TAMM41: variants seen among roughly 807,000 people sequenced by gnomAD.
TAMM41 encodes the protein TAM41 mitochondrial translocator assembly and maintenance homolog, also known as phosphatidate cytidylyltransferase, mitochondrial.
TAMM41 carries 36 observed loss-of-function variants against 44.1 expected under a neutral mutation model. The ratio of observed to expected loss-of-function variants is 0.82; its 90% CI spans 0.63 to 1.08. The LOEUF (loss-of-function observed/expected upper bound fraction) is 1.08, where lower values mean the gene tolerates loss of function less well. Ranked by LOEUF, TAMM41 falls within the 50% of genes least tolerant of loss-of-function variation. The pLI, the probability that TAMM41 is intolerant of heterozygous loss-of-function variation, is 0.00. For synonymous variants in TAMM41, 164 were observed against 153.1 expected, an observed-to-expected ratio of 1.07 and a Z score of -0.53; for missense variants, 417 against 404.3, an observed-to-expected ratio of 1.03 and a Z score of -0.27.
chr3:11,760,542 TTTTTG>T, the TAMM41 span, among the ~76,000 whole-genome samples: 5,550 of 150,852 alleles, frequency 0.037, 116 homozygotes, highest in Non-Finnish European at 0.054. Flanking sequence ...TAAGTACAAT[TTTTTG>T]TTTTGTTTTG....
chr3:11,845,779 G>A (rs1312740769), intron 1 of TAMM41, among the ~76,000 whole-genome samples: 1 of 152,104 alleles, frequency 6.6e-6, no homozygotes, highest in Non-Finnish European at 1.5e-5. Flanking sequence ...ATTAAAACCT[G>A]CACACTGAAT....
At chr3:11,770,522 C>T in the TAMM41 span, among the ~76,000 whole-genome samples, 1 of 152,218 alleles carries the variant, frequency 6.6e-6, no homozygotes, top group Non-Finnish European at 1.5e-5. Context: ...TTAAAATGCT[C>T]TGCTTGCTGA....
At chr3:11,753,877 G>A in the TAMM41 span, among the ~76,000 whole-genome samples, 4 of 152,136 alleles carry the variant, frequency 2.6e-5, no homozygotes, top group Admixed American at 1.3e-4. Context: ...GGCAAGGGGC[G>A]AGGAGGCCGA....
chr3:11,799,466 C>T (rs766308071), intron 7 of TAMM41, among the ~76,000 whole-genome samples: 22 of 152,142 alleles, frequency 1.4e-4, no homozygotes, highest in Admixed American at 3.9e-4. Flanking sequence ...AGCCCTTGGC[C>T]ATAATAAACA....
rs550548400 is a variant in TAMM41 at position 11,836,289 on chromosome 3, C to A, written c.411+2933G>T. On this transcript the variant is annotated intron_variant, in intron 3 of 7. Coordinates refer to ENST00000455809, the MANE Select transcript of TAMM41 (RefSeq NM_001284401.2). The stretch of plus-strand genomic sequence containing the variant: ...TACAGGCATGAGTCACTGCACCCAG[C>A]CCTGCTTCCAATTTTCAATACCTTT... Among the ~76,000 whole-genome samples the A allele has an allele frequency of 3.9e-5, 6 of 152,166 alleles. No homozygotes were observed. The East Asian group carries it at 7.8e-4, about 20-fold the overall frequency.
At chr3:11,751,498 T>C in the TAMM41 span, among the ~76,000 whole-genome samples, 1 of 152,342 alleles carries the variant, frequency 6.6e-6, no homozygotes, top group African/African-American at 2.4e-5. Context: ...AACCCTGTTG[T>C]GTCCAGTCAG....
the TAMM41 span, among the ~76,000 whole-genome samples, chr3:11,727,136 T>C: frequency 1.3e-5 from 2 of 152,242 alleles, no homozygotes; most frequent in African/African-American, 4.8e-5. Context: ...AATTCTATTG[T>C]AAGGTAGGAA....
At chr3:11,760,820 C>G in the TAMM41 span, among the ~76,000 whole-genome samples, 1 of 151,908 alleles carries the variant, frequency 6.6e-6, no homozygotes, top group African/African-American at 2.4e-5. Context: ...TTTGGCCTCC[C>G]AAAGTGCTGG....
At chr3:11,736,774 T>C in the TAMM41 span, among the ~76,000 whole-genome samples, 2 of 152,222 alleles carry the variant, frequency 1.3e-5, no homozygotes, top group East Asian at 3.9e-4. Context: ...AGAGTGAATA[T>C]TGGTGTGAGT....
At chr3:11,733,789 C>A in the TAMM41 span, among the ~76,000 whole-genome samples, 2 of 151,906 alleles carry the variant, frequency 1.3e-5, no homozygotes, top group Admixed American at 1.3e-4. Context: ...GCCACCACGC[C>A]CGGCCAGGGG....
At chr3:11,753,004 G>A in the TAMM41 span, among the ~76,000 whole-genome samples, 46,277 of 151,630 alleles carry the variant, frequency 0.31, 7,706 homozygotes, top group African/African-American at 0.44. Flanking sequence ...ACAACTAAAT[G>A]AGTACATGTC....
At chr3:11,729,630 G>A in the TAMM41 span, among the ~76,000 whole-genome samples, 11 of 132,258 alleles carry the variant, frequency 8.3e-5, no homozygotes, top group East Asian at 9.4e-4. Flanking sequence ...GTGCCATCTC[G>A]GCTCACTGCA....
the TAMM41 span, among the ~76,000 whole-genome samples, chr3:11,753,850 T>C: frequency 6.6e-6 from 1 of 152,078 alleles, no homozygotes; most frequent in Non-Finnish European, 1.5e-5. Context: ...ATTGTATGTC[T>C]GACGTGAAGA....
chr3:11,827,579 G>A (rs2078808024), intron 4 of TAMM41, among the ~76,000 whole-genome samples: 1 of 144,210 alleles, frequency 6.9e-6, no homozygotes, highest in Non-Finnish European at 1.5e-5. Context: ...AAATTGCTGG[G>A]ATTACAGGGC....
downstream of TAMM41, chr3:11,790,365 A>G (rs2077450259): frequency 1.4e-5 from 11 of 790,400 alleles, no homozygotes; most frequent in Non-Finnish European, 2.3e-5. Context: ...TGTCTGATGC[A>G]TACATTTAAA....
the TAMM41 span, among the ~76,000 whole-genome samples, chr3:11,777,926 C>T: frequency 2.0e-5 from 3 of 152,110 alleles, no homozygotes. Flanking sequence ...GCCCCCAAGC[C>T]CCCCATTACC....
chr3:11,758,816 G>C, the TAMM41 span, among the ~76,000 whole-genome samples: 1 of 152,108 alleles, frequency 6.6e-6, no homozygotes, highest in African/African-American at 2.4e-5. Flanking sequence ...TGGGATTACA[G>C]CCATGCACCA....
the TAMM41 span, among the ~76,000 whole-genome samples, chr3:11,739,727 G>A: frequency 7.5e-5 from 11 of 146,426 alleles, no homozygotes; most frequent in African/African-American, 2.8e-4. Context: ...GCAAAAAGAT[G>A]AGTGAGGATA....
At chr3:11,775,656 A>G in the TAMM41 span, among the ~76,000 whole-genome samples, 2 of 152,204 alleles carry the variant, frequency 1.3e-5, no homozygotes, top group African/African-American at 4.8e-5. Flanking sequence ...GATCCTAAAG[A>G]TAACCGTTTG....
Sources: allele counts gnomAD v4.1 joint callset (sites outside exome capture counted in the v4.1 genomes callset), GRCh38; gene constraint gnomAD v4.1.1; transcripts MANE v1.5; gene names NCBI Gene and HGNC (gene_info 2026-07-23, HGNC 2026-07-21).